The following CNTNAP5 variants were observed in gnomAD, a reference collection of about 807,000 sequenced individuals.
The protein encoded by CNTNAP5 is contactin-associated protein-like 5.
Under a neutral mutation model 150.2 loss-of-function variants are expected in CNTNAP5, and 72 were observed. The ratio of observed to expected loss-of-function variants is 0.48; its 90% CI spans 0.40 to 0.58. CNTNAP5 has a LOEUF of 0.58. CNTNAP5 is among the 20% of genes least tolerant of loss of function. The pLI is 0.00. For synonymous variants in CNTNAP5, 672 were observed against 619.8 expected (o/e 1.08, Z -1.25); for missense variants, 1,636 against 1,626.2 (o/e 1.01, Z -0.10).
rs561269869 is a variant in CNTNAP5, at chr2:124,442,155, C to G, written c.734-4598C>G. 1.3e-3 allele frequency among the ~76,000 whole-genome samples: 194 copies of G among 152,068 alleles called. 1 individual carries two copies. Among genetic ancestry groups the G allele is most frequent in the African/African-American group, 4.6e-3 (189 of 41,490 alleles). On this transcript the variant is annotated intron_variant, in intron 5 of 23. Transcript: ENST00000682447. Reference sequence around the variant, plus strand: ...AACTTTCTGAGCCAAAGTTAAGACCCAGGAGAGAAAGGGCTGACTTTAGAC... The same window carrying G: ...AACTTTCTGAGCCAAAGTTAAGACCGAGGAGAGAAAGGGCTGACTTTAGAC...
chr2:124,528,468 G>T (rs1695027637), intron 10 of CNTNAP5, among the ~76,000 whole-genome samples: 2 of 152,190 alleles, frequency 1.3e-5, no homozygotes, highest in Non-Finnish European at 2.9e-5. Flanking sequence ...GCAGGAGAAA[G>T]CATGGATTGC....
chr2:124,603,012 TC>T (rs1282115360), intron 11 of CNTNAP5, among the ~76,000 whole-genome samples: 3 of 118,294 alleles, frequency 2.5e-5, no homozygotes, highest in African/African-American at 9.6e-5. Flanking sequence ...TCTCCCTCCC[TC>T]CCTCCCTCCC....
intron 19 of CNTNAP5, among the ~76,000 whole-genome samples, chr2:124,803,769 C>T (rs1228630309): frequency 6.6e-6 from 1 of 152,272 alleles, no homozygotes; most frequent in East Asian, 1.9e-4. Context: ...AAGAAGGAAG[C>T]CAGGGAGGGA....
rs1220982238 is a variant in CNTNAP5 at position 124,037,480 on chromosome 2, C to CAGTATAGATTCTG, written c.82+11749_82+11750insGTATAGATTCTGA. ...GGATAAAAAGTGCACAGTATAAAAACACAACAGAATCTAGTCAACCTTGAA... is the reference window on the plus strand; with the variant it reads ...GGATAAAAAGTGCACAGTATAAAAACAGTATAGATTCTGACAACAGAATCTAGTCAACCTTGAA... On this transcript the variant is annotated intron_variant, in intron 1 of 23. Coordinates refer to ENST00000682447, the MANE Select transcript of CNTNAP5 (RefSeq NM_001367498.1). Among the ~76,000 whole-genome samples the CAGTATAGATTCTG allele has an allele frequency of 7.1e-3, 1,078 of 152,284 alleles. 15 individuals carry two copies. The highest frequency in any genetic ancestry group is 0.023 in the African/African-American group (966 of 41,554).
At chr2:124,038,342 C>T (rs1021348736) in intron 1 of CNTNAP5, among the ~76,000 whole-genome samples, 1 of 152,144 alleles carries the variant, frequency 6.6e-6, no homozygotes, top group African/African-American at 2.4e-5. Context: ...TGAGGCCTGT[C>T]TTTGGGTCTC....
In CNTNAP5 at chr2:124,145,821, A is replaced by G. The variant is rs1684231037; in HGVS notation, c.83-75884A>G. On this transcript the variant is annotated intron_variant, in intron 1 of 23. Coordinates refer to ENST00000682447, the MANE Select transcript of CNTNAP5 (RefSeq NM_001367498.1). Reference sequence around the variant, plus strand: ...AAAAAAAAAAAAACATTAAAAAAAAAAAAAAAAGAAGAAAAAAAAAAAAAA... The same window carrying G: ...AAAAAAAAAAAAACATTAAAAAAAAGAAAAAAAGAAGAAAAAAAAAAAAAA... Among the ~76,000 whole-genome samples, 2 of 5,066 alleles carry G rather than the reference A, an allele frequency of 3.9e-4. 1 individual carries two copies. The highest frequency in any genetic ancestry group is 1.2e-3 in the Non-Finnish European group (2 of 1,622). The allele number at this position is 5,066 out of a possible 152,430, so 3.3% of individuals were successfully genotyped here.
intron 6 of CNTNAP5, among the ~76,000 whole-genome samples, chr2:124,447,693 A>C (rs1692854388): frequency 6.6e-6 from 1 of 152,218 alleles, no homozygotes; most frequent in Admixed American, 6.5e-5. Context: ...TTATATTTAT[A>C]TAATTATGTA....
chr2:124,701,202 A>G (rs1399070845), intron 13 of CNTNAP5, among the ~76,000 whole-genome samples: 1 of 152,016 alleles, frequency 6.6e-6, no homozygotes, highest in Non-Finnish European at 1.5e-5. Flanking sequence ...CCTGGTAACC[A>G]ATGTGTTGTT....
At chr2:124,825,076 A>G (rs1305464910) in intron 19 of CNTNAP5, among the ~76,000 whole-genome samples, 1 of 152,208 alleles carries the variant, frequency 6.6e-6, no homozygotes, top group African/African-American at 2.4e-5. Flanking sequence ...GAAGAGGACA[A>G]TAGAAAAACC....
At chr2:124,336,048 A>AT (rs1303739133) in intron 3 of CNTNAP5, among the ~76,000 whole-genome samples, 1 of 151,302 alleles carries the variant, frequency 6.6e-6, no homozygotes, top group Admixed American at 6.6e-5. Flanking sequence ...GATGAGGGAG[A>AT]TAAAAAAAAA....
intron 3 of CNTNAP5, among the ~76,000 whole-genome samples, chr2:124,350,403 A>G (rs1203185745): frequency 6.6e-6 from 1 of 151,242 alleles, no homozygotes; most frequent in African/African-American, 2.4e-5. Flanking sequence ...TTAAATACAT[A>G]TGTATATAAA....
intron 10 of CNTNAP5, among the ~76,000 whole-genome samples, chr2:124,544,870 C>A (rs552496324): frequency 6.6e-6 from 1 of 152,276 alleles, no homozygotes; most frequent in East Asian, 1.9e-4. Context: ...CTTAGCAGCC[C>A]AGGCTGGATA....
intron 3 of CNTNAP5, among the ~76,000 whole-genome samples, chr2:124,279,757 AG>A (rs1687968436): frequency 6.6e-6 from 1 of 152,080 alleles, no homozygotes. Flanking sequence ...ATGTGAGAGG[AG>A]TCACAACCAT....
chr2:124,110,085 G>A (rs1287282471), intron 1 of CNTNAP5, among the ~76,000 whole-genome samples: 1 of 152,132 alleles, frequency 6.6e-6, no homozygotes, highest in African/African-American at 2.4e-5. Flanking sequence ...CACTTTTTTG[G>A]GGTATTTACT....
intron 19 of CNTNAP5, among the ~76,000 whole-genome samples, chr2:124,844,585 T>A (rs1033076346): frequency 5.9e-5 from 9 of 152,156 alleles, no homozygotes; most frequent in African/African-American, 2.2e-4. Flanking sequence ...GTACATTGTT[T>A]TTGGCACTAT....
chr2:124,348,095 AT>A (rs1558861469), intron 3 of CNTNAP5, among the ~76,000 whole-genome samples: 1 of 151,914 alleles, frequency 6.6e-6, no homozygotes, highest in African/African-American at 2.4e-5. Flanking sequence ...CTCCCTGATA[AT>A]TTTTACCCAC....
At chr2:124,677,785 C>T (rs112092186) in intron 13 of CNTNAP5, among the ~76,000 whole-genome samples, 3,273 of 151,914 alleles carry the variant, frequency 0.022, 62 homozygotes, top group Middle Eastern at 0.037. Flanking sequence ...CTGATTGGTG[C>T]GTTTACAATC....
intron 1 of CNTNAP5, among the ~76,000 whole-genome samples, chr2:124,131,971 C>T (rs1443081200): frequency 1.3e-5 from 2 of 152,074 alleles, no homozygotes; most frequent in African/African-American, 2.4e-5. Flanking sequence ...TTCGTCCTCT[C>T]CTGGAAAAAC....
At chr2:124,232,523 AG>A in intron 2 of CNTNAP5, among the ~76,000 whole-genome samples, 1 of 152,274 alleles carries the variant, frequency 6.6e-6, no homozygotes, top group African/African-American at 2.4e-5. Context: ...CAAACGCCAA[AG>A]AAACAGAAAA....
Sources: allele counts gnomAD v4.1 joint callset (sites outside exome capture counted in the v4.1 genomes callset), GRCh38; gene constraint gnomAD v4.1.1; transcripts MANE v1.5; gene names NCBI Gene and HGNC (gene_info 2026-07-23, HGNC 2026-07-21).